The following GABRR2 variants were observed in gnomAD, a reference collection of about 807,000 sequenced individuals.
The protein encoded by GABRR2 is gamma-aminobutyric acid type A receptor subunit rho2, also known as gamma-aminobutyric acid receptor subunit rho-2.
Under a neutral mutation model 47.0 loss-of-function variants are expected in GABRR2, and 36 were observed. The observed-to-expected ratio is 0.77, with a 90% CI of 0.59 to 1.01. The LOEUF (loss-of-function observed/expected upper bound fraction) is 1.01. GABRR2 is among the 50% of genes least tolerant of loss of function. The pLI is 0.00. For missense variants in GABRR2, 587 were observed against 594.6 expected (o/e 0.99, Z 0.13); for synonymous variants, 204 against 227.5 (o/e 0.90, Z 0.93).
rs528344587 is a variant in GABRR2, at chr6:89,271,623, C to G, written c.288+32G>C. On this transcript the variant is annotated intron_variant, in intron 3 of 8. Transcript: ENST00000402938. ...ACCGAGGCCCACTACACTACAGGCT[C>G]TCACGCTGTGTCACTGGAGGCCGCT... The G allele has an allele frequency of 1.7e-5, 27 of 1,591,748 alleles. No homozygotes were observed. In the South Asian group the frequency reaches 2.9e-4, roughly 17 times the overall value.
intron 2 of GABRR2, among the ~76,000 whole-genome samples, chr6:89,283,915 A>G (rs1400310260): frequency 6.6e-6 from 1 of 152,212 alleles, no homozygotes; most frequent in Non-Finnish European, 1.5e-5. Flanking sequence ...AAGGATAGTC[A>G]TGTGGAAGAG....
intron 1 of GABRR2, among the ~76,000 whole-genome samples, chr6:89,306,944 C>T (rs549161848): frequency 6.0e-4 from 91 of 152,186 alleles, no homozygotes; most frequent in Non-Finnish European, 1.2e-3. Context: ...TTGTGCCTGG[C>T]ACTGAAGTTA....
chr6:89,313,809 C>T (rs191004449), intron 1 of GABRR2, among the ~76,000 whole-genome samples: 1 of 152,020 alleles, frequency 6.6e-6, no homozygotes, highest in Non-Finnish European at 1.5e-5. Context: ...CCCAGCTACT[C>T]GGGAGGCTGA....
In GABRR2 at chr6:89,309,947, C is replaced by CTTT. The variant is rs565193467; in HGVS notation, c.113+5103_113+5105dup. Among the ~76,000 whole-genome samples, 151 of 128,194 alleles carry CTTT rather than the reference C, an allele frequency of 1.2e-3. 1 individual carries two copies. The highest frequency in any genetic ancestry group is 4.1e-3 in the African/African-American group (134 of 33,022). The allele number at this position is 128,194 out of a possible 152,430, so 84.1% of individuals were successfully genotyped here. A position where few individuals can be genotyped will look rare whatever the true frequency, so the allele number is the denominator to read the frequency against. On this transcript the variant is annotated intron_variant, in intron 1 of 8. Coordinates refer to ENST00000402938, the MANE Select transcript of GABRR2 (RefSeq NM_002043.5). ...GCACATGCCACCGTGCCTGGCTAATCTTTTTTTTTTTTTTTTTGTAGAGAC... is the reference window on the plus strand; with the variant it reads ...GCACATGCCACCGTGCCTGGCTAATCTTTTTTTTTTTTTTTTTTTTGTAGAGAC...
chr6:89,259,741 T>C (rs777842469), intron 8 of GABRR2, among the ~76,000 whole-genome samples: 1 of 152,080 alleles, frequency 6.6e-6, no homozygotes, highest in East Asian at 1.9e-4. Context: ...TGACCTCAAA[T>C]GATCTGCCTG....
chr6:89,293,712 G>A (rs1029881388), intron 2 of GABRR2, among the ~76,000 whole-genome samples: 1 of 152,184 alleles, frequency 6.6e-6, no homozygotes, highest in African/African-American at 2.4e-5. Context: ...ACCTGAGCCC[G>A]GACAGTTGAG....
At chr6:89,304,266 C>T (rs922864382) in intron 1 of GABRR2, among the ~76,000 whole-genome samples, 26 of 152,206 alleles carry the variant, frequency 1.7e-4, no homozygotes, top group Non-Finnish European at 2.6e-4. Flanking sequence ...AAACAAACCC[C>T]ATTAAAAAGT....
chr6:89,287,322 C>T (rs1011737300), intron 2 of GABRR2, among the ~76,000 whole-genome samples: 2 of 152,216 alleles, frequency 1.3e-5, no homozygotes, highest in Admixed American at 1.3e-4. Flanking sequence ...TGTGACAGAA[C>T]GACCCTAGAA....
chr6:89,272,300 C>G (rs1278156853), intron 2 of GABRR2, among the ~76,000 whole-genome samples: 14 of 152,192 alleles, frequency 9.2e-5, no homozygotes, highest in Non-Finnish European at 1.9e-4. Flanking sequence ...CCTTGTCAGG[C>G]CATGTCAGAT....
In GABRR2 at chr6:89,264,579, T is replaced by G; in HGVS notation, c.919A>C (p.Ile307Leu). The G allele has an allele frequency of 1.2e-6, 2 of 1,614,180 alleles. No individual in the cohort carries two copies. Among genetic ancestry groups the G allele is most frequent in the Non-Finnish European group, 1.7e-6 (2 of 1,180,028 alleles). ...ATGGAGGCATTCACGCCCGTGATGA[T>G]GGTGGTCATGGTCAGCACCGTCGTG... is the stretch of plus-strand genomic sequence containing the variant. ...GITTVLTMTTIITGVNASMPR... is the reference protein window; with the variant it reads ...GITTVLTMTTLITGVNASMPR... The change falls in exon 8 of 9, where the codon ATC (isoleucine) becomes CTC (leucine). Residue 307 changes from isoleucine (I) to leucine (L), a missense_variant. By Grantham distance (5) the Ile-to-Leu change is conservative (BLOSUM62 2). Coordinates refer to ENST00000402938, the MANE Select transcript of GABRR2 (RefSeq NM_002043.5).
At chr6:89,266,383 T>C (rs868849482) in intron 6 of GABRR2, among the ~76,000 whole-genome samples, 2 of 152,224 alleles carry the variant, frequency 1.3e-5, no homozygotes, top group African/African-American at 4.8e-5. Flanking sequence ...TAGTTCTATT[T>C]TGTTGAGGCC....
Position 89,257,770 on chromosome 6 carries a change from C to T in GABRR2, c.1298G>A (p.Arg433His), listed in dbSNP as rs61739705. The T allele has an allele frequency of 4.7e-3, 7,542 of 1,613,924 alleles. 27 individuals are homozygous for T. Among genetic ancestry groups the T allele is most frequent in the Middle Eastern group, 7.1e-3 (43 of 6,062 alleles). ...KGLLKGQTGF[R>H]IFQNTHAIDK... is the part of the protein sequence containing the mutation. ...AATGGCATGGGTATTCTGGAAGATACGAAAACCCGTCTGGCCCTTCAGAAG... is the reference window on the plus strand; with the variant it reads ...AATGGCATGGGTATTCTGGAAGATATGAAAACCCGTCTGGCCCTTCAGAAG... The change falls in exon 9 of 9, where the codon CGT becomes CAT. Residue 433 changes from arginine (R) to histidine (H), a missense_variant. Physicochemically the swap from Arg to His is conservative, Grantham distance 29 (BLOSUM62 0). Transcript: ENST00000402938.
At chr6:89,307,369 T>C (rs1767586498) in intron 1 of GABRR2, among the ~76,000 whole-genome samples, 1 of 152,224 alleles carries the variant, frequency 6.6e-6, no homozygotes, top group African/African-American at 2.4e-5. Flanking sequence ...CTTTGTGTTA[T>C]GTTGGCTAGA....
Position 89,268,035 on chromosome 6 carries a change from A to G in GABRR2, c.574T>C (p.Cys192Arg), listed in dbSNP as rs149815207. The change falls in exon 5 of 9, where the codon TGT (cysteine) becomes CGT (arginine). Residue 192 changes from cysteine to arginine, a missense_variant. Physicochemically the swap from Cys to Arg is radical, Grantham distance 180. Transcript: ENST00000402938. ...FSHFPLDSQT[C>R]SLELESYAYT... Reference sequence around the variant, plus strand: ...TTACAGCTCTCCAGCTCCAAAGAACAGGTCTGGGAGTCCAGGGGAAAGTGG... The same window carrying G: ...TTACAGCTCTCCAGCTCCAAAGAACGGGTCTGGGAGTCCAGGGGAAAGTGG... 4 of 1,611,862 alleles carry G rather than the reference A, an allele frequency of 2.5e-6. No individual in the cohort carries two copies. Among genetic ancestry groups the G allele is most frequent in the South Asian group, 2.2e-5 (2 of 90,664 alleles).
At position 89,254,532 on chromosome 6, in the gene GABRR2, C is replaced by T. The variant is rs1394850594; in HGVS notation, c.*3138G>A. ...TTTCACAGTTTCATATTGGTGAAATCAGGATTCATATTATAATCATTGGCA... is the reference window on the plus strand; with the variant it reads ...TTTCACAGTTTCATATTGGTGAAATTAGGATTCATATTATAATCATTGGCA... On this transcript the variant is annotated 3_prime_UTR_variant, in exon 9 of 9. Transcript: ENST00000402938. 1.3e-5 allele frequency among the ~76,000 whole-genome samples: 2 copies of T among 152,138 alleles called. No individual in the cohort carries two copies. Among genetic ancestry groups the T allele is most frequent in the South Asian group, 2.1e-4 (1 of 4,820 alleles).
At chr6:89,288,511 G>T (rs1582454435) in intron 2 of GABRR2, among the ~76,000 whole-genome samples, 1 of 152,250 alleles carries the variant, frequency 6.6e-6, no homozygotes, top group East Asian at 1.9e-4. Flanking sequence ...CTGCATGAGA[G>T]CCCCAGTGAG....
At chr6:89,263,609 G>A (rs558704341) in intron 8 of GABRR2, among the ~76,000 whole-genome samples, 1 of 152,294 alleles carries the variant, frequency 6.6e-6, no homozygotes, top group South Asian at 2.1e-4. Context: ...TGTAACCTCT[G>A]CCTCCCGGGT....
intron 2 of GABRR2, among the ~76,000 whole-genome samples, chr6:89,299,033 T>C (rs1582461422): frequency 1.3e-5 from 2 of 152,280 alleles, no homozygotes; most frequent in Non-Finnish European, 1.5e-5. Context: ...TACGTTTCCA[T>C]TGTCTATAAA....
chr6:89,310,741 G>C (rs1459985204), intron 1 of GABRR2, among the ~76,000 whole-genome samples: 2 of 151,938 alleles, frequency 1.3e-5, no homozygotes, highest in Admixed American at 6.6e-5. Flanking sequence ...AGAAGCGGGA[G>C]GGGGTGGGGG....
Sources: allele counts gnomAD v4.1 joint callset (sites outside exome capture counted in the v4.1 genomes callset), GRCh38; gene constraint gnomAD v4.1.1; transcripts MANE v1.5; gene names NCBI Gene and HGNC (gene_info 2026-07-23, HGNC 2026-07-21).